Variants in CELF4 observed in about 807,000 individuals in gnomAD.
The protein encoded by CELF4 is CUGBP Elav-like family member 4.
CELF4 carries 18 observed loss-of-function variants against 59.9 expected under a neutral mutation model. The ratio of observed to expected loss-of-function variants is 0.30; its 90% CI spans 0.21 to 0.45. The LOEUF (loss-of-function observed/expected upper bound fraction) is 0.45. Ranked by LOEUF, CELF4 falls within the 20% of genes least tolerant of loss-of-function variation. The pLI is 1.00. For missense variants in CELF4, 456 were observed against 689.0 expected (o/e 0.66, Z 3.79); for synonymous variants, 261 against 267.1 (o/e 0.98, Z 0.22).
chr18:37,415,028 G>A (rs1363225262), intron 2 of CELF4, among the ~76,000 whole-genome samples: 2 of 152,242 alleles, frequency 1.3e-5, no homozygotes, highest in Non-Finnish European at 2.9e-5. Context: ...TAGGGAAGAT[G>A]GTATGTGGAA....
chr18:37,523,914 G>A (rs2099960501), intron 1 of CELF4, among the ~76,000 whole-genome samples: 1 of 152,186 alleles, frequency 6.6e-6, no homozygotes, highest in Non-Finnish European at 1.5e-5. Flanking sequence ...GGCTCACTGA[G>A]CCCCCAAAAC....
In CELF4 at chr18:37,274,833, T is replaced by G. The variant is rs1162055714; in HGVS notation, c.629A>C (p.Asn210Thr). 6.2e-7 allele frequency: 1 copy of G among 1,607,072 alleles called. No homozygotes were observed. The highest frequency in any genetic ancestry group is 2.2e-5 in the East Asian group (1 of 44,648). ...CATGGTCTGGCTGCCGTGTAGCGCGTTGATGGCGGCCTGCGCCTCGGCGTG... is the reference window on the plus strand; with the variant it reads ...CATGGTCTGGCTGCCGTGTAGCGCGGTGATGGCGGCCTGCGCCTCGGCGTG... ...SSHAEAQAAI[N>T]ALHGSQTMPG... Residue 210 changes from asparagine (N) to threonine (T), a missense_variant, in exon 5 of 13, where the codon AAC becomes ACC. Coordinates refer to ENST00000420428, the MANE Select transcript of CELF4 (RefSeq NM_020180.4).
chr18:37,505,555 C>G (rs948970760), intron 1 of CELF4, among the ~76,000 whole-genome samples: 5 of 152,148 alleles, frequency 3.3e-5, no homozygotes, highest in African/African-American at 1.2e-4. Context: ...CAAGTCCTTC[C>G]TGCCTAAGGT....
chr18:37,368,358 C>T (rs745428645), intron 2 of CELF4, among the ~76,000 whole-genome samples: 18 of 152,124 alleles, frequency 1.2e-4, no homozygotes, highest in Non-Finnish European at 2.5e-4. Context: ...GAATTCTCTT[C>T]AGCCCTTGTT....
At position 37,275,167 on chromosome 18, in the gene CELF4, A is replaced by G. The variant is rs1569477337; in HGVS notation, c.525T>C (p.Phe175=). 2 of 1,613,476 alleles carry G rather than the reference A, an allele frequency of 1.2e-6. No individual in the cohort carries two copies. Among genetic ancestry groups the G allele is most frequent in the Non-Finnish European group, 1.7e-6 (2 of 1,179,868 alleles). The change falls in exon 4 of 13, where the codon TTT becomes TTC. Residue 175 remains phenylalanine (F), a synonymous_variant. Transcript: ENST00000420428. ...GGATGGTGCACTCCTCGATGTTCCC[A>G]AAGGCCTCGAAAAGGCGGCGCACGT... is the stretch of plus-strand genomic sequence containing the variant. ...EDDVRRLFEA[F]GNIEECTILR... is the part of the protein sequence containing the mutation.
chr18:37,550,439 C>G (rs2099982819), intron 1 of CELF4, among the ~76,000 whole-genome samples: 1 of 152,156 alleles, frequency 6.6e-6, no homozygotes, highest in Non-Finnish European at 1.5e-5. Context: ...TTTCCTGCCC[C>G]CAAGGGAGCA....
chr18:37,405,087 C>A (rs2099367520), intron 2 of CELF4, among the ~76,000 whole-genome samples: 2 of 151,824 alleles, frequency 1.3e-5, no homozygotes, highest in African/African-American at 2.4e-5. Context: ...TGAAAGCAGG[C>A]CCCAACCCCC....
intron 1 of CELF4, among the ~76,000 whole-genome samples, chr18:37,558,174 C>T (rs1340214089): frequency 3.3e-5 from 5 of 151,720 alleles, no homozygotes; most frequent in Non-Finnish European, 7.4e-5. Context: ...ACTAATTCCC[C>T]TTCTACTTTT....
intron 3 of CELF4, among the ~76,000 whole-genome samples, chr18:37,290,216 C>T (rs2095240933): frequency 6.6e-6 from 1 of 152,164 alleles, no homozygotes; most frequent in South Asian, 2.1e-4. Context: ...TGCACAGCAG[C>T]TGGATGGCCC....
intron 8 of CELF4, among the ~76,000 whole-genome samples, chr18:37,269,769 C>T (rs2090221174): frequency 6.6e-6 from 1 of 152,232 alleles, no homozygotes; most frequent in Non-Finnish European, 1.5e-5. Context: ...CATTTCAAGT[C>T]TGAGAACACT....
chr18:37,511,966 G>A (rs1338739991), intron 1 of CELF4, among the ~76,000 whole-genome samples: 1 of 152,002 alleles, frequency 6.6e-6, no homozygotes, highest in East Asian at 1.9e-4. Flanking sequence ...GGAGGGGGCA[G>A]CCACGACTGC....
At chr18:37,500,473 G>T (rs1311421970) in intron 1 of CELF4, among the ~76,000 whole-genome samples, 3 of 151,820 alleles carry the variant, frequency 2.0e-5, no homozygotes, top group African/African-American at 7.2e-5. Context: ...TCTTGTCTTT[G>T]TGCCCTCAGT....
At chr18:37,470,558 A>C (rs2099818449) in intron 2 of CELF4, among the ~76,000 whole-genome samples, 1 of 152,170 alleles carries the variant, frequency 6.6e-6, no homozygotes, top group Non-Finnish European at 1.5e-5. Context: ...GCATCCCAGC[A>C]GCGCTGTGTC....
intron 2 of CELF4, among the ~76,000 whole-genome samples, chr18:37,466,386 C>A (rs992087513): frequency 7.9e-6 from 1 of 126,528 alleles, no homozygotes; most frequent in Non-Finnish European, 1.6e-5. Context: ...AAAAATGGAA[C>A]TGTGGTATGC....
chr18:37,326,918 G>A (rs766701015), intron 2 of CELF4, among the ~76,000 whole-genome samples: 16 of 152,114 alleles, frequency 1.1e-4, no homozygotes, highest in Non-Finnish European at 2.4e-4. Flanking sequence ...CATAACTTAA[G>A]CTGGGACATA....
chr18:37,444,354 C>T (rs930039097), intron 2 of CELF4, among the ~76,000 whole-genome samples: 4 of 151,978 alleles, frequency 2.6e-5, no homozygotes, highest in Admixed American at 6.5e-5. Context: ...TGTAGGCAGC[C>T]GGGCAGGAGC....
At chr18:37,310,449 T>C (rs2096603500) in intron 3 of CELF4, among the ~76,000 whole-genome samples, 1 of 152,198 alleles carries the variant, frequency 6.6e-6, no homozygotes, top group Admixed American at 6.5e-5. Context: ...TGGAAATCAT[T>C]GCTCCCCTGC....
At chr18:37,326,431 G>C (rs796771155) in intron 2 of CELF4, among the ~76,000 whole-genome samples, 1 of 152,176 alleles carries the variant, frequency 6.6e-6, no homozygotes, top group Non-Finnish European at 1.5e-5. Flanking sequence ...TGTCCTCCCC[G>C]GAGGGCCCTG....
At chr18:37,281,027 T>G (rs2094073513) in intron 3 of CELF4, among the ~76,000 whole-genome samples, 1 of 152,112 alleles carries the variant, frequency 6.6e-6, no homozygotes, top group Non-Finnish European at 1.5e-5. Context: ...AGACAAAAAC[T>G]CCTGAGCTCA....
Sources: allele counts gnomAD v4.1 joint callset (sites outside exome capture counted in the v4.1 genomes callset), GRCh38; gene constraint gnomAD v4.1.1; transcripts MANE v1.5; gene names NCBI Gene and HGNC (gene_info 2026-07-23, HGNC 2026-07-21).